C12orf75: variants seen among roughly 807,000 people sequenced by gnomAD.
C12orf75 encodes overexpressed in colon carcinoma 1 protein.
C12orf75 carries 4 observed loss-of-function variants against 11.4 expected under a neutral mutation model. The observed-to-expected ratio is 0.35, with a 90% CI of 0.17 to 0.80. The LOEUF is 0.80. Among genes scored for constraint, C12orf75 ranks in the 30% least tolerant of loss-of-function variants. C12orf75 has a pLI of 0.52. For missense variants in C12orf75, 89 were observed against 80.4 expected (o/e 1.11, Z -0.41); for synonymous variants, 30 against 30.0 (o/e 1.00, Z 0.00).
intron 2 of C12orf75, among the ~76,000 whole-genome samples, chr12:105,351,057 A>G (rs1892707390): frequency 6.6e-6 from 1 of 152,230 alleles, no homozygotes. Context: ...AAAAAGTTAA[A>G]GAACATTATA....
intron 2 of C12orf75, among the ~76,000 whole-genome samples, chr12:105,363,978 A>G (rs1211846398): frequency 1.3e-5 from 2 of 152,236 alleles, no homozygotes; most frequent in Non-Finnish European, 2.9e-5. Flanking sequence ...AAGTGAAAAT[A>G]TATTTTAAAA....
chr12:105,350,048 G>C (rs903455337), intron 2 of C12orf75, among the ~76,000 whole-genome samples: 1 of 152,156 alleles, frequency 6.6e-6, no homozygotes. Flanking sequence ...GCTCCTGTTT[G>C]CTGTGTTGGA....
intron 2 of C12orf75, among the ~76,000 whole-genome samples, chr12:105,350,388 C>CT (rs908690909): frequency 2.6e-5 from 4 of 152,196 alleles, no homozygotes; most frequent in African/African-American, 7.2e-5. Flanking sequence ...CTGTGCAGAG[C>CT]TTCTTCAGGC....
chr12:105,354,068 C>T (rs938268224), intron 2 of C12orf75, among the ~76,000 whole-genome samples: 1 of 152,144 alleles, frequency 6.6e-6, no homozygotes, highest in Non-Finnish European at 1.5e-5. Flanking sequence ...CCTCTCTGCT[C>T]CTCATAGATA....
intron 2 of C12orf75, among the ~76,000 whole-genome samples, chr12:105,360,254 C>T (rs1224630372): frequency 6.6e-6 from 1 of 152,218 alleles, no homozygotes; most frequent in Non-Finnish European, 1.5e-5. Context: ...ACAAATTTTG[C>T]AGTCCATCAG....
In C12orf75 at chr12:105,370,137, G is replaced by A. The variant is rs567315096; in HGVS notation, c.*34-497G>A. 3.0e-4 allele frequency among the ~76,000 whole-genome samples: 45 copies of A among 152,246 alleles called. No homozygotes were observed. In the South Asian group the frequency reaches 9.1e-3, roughly 31 times the overall value. On this transcript the variant is annotated intron_variant, in intron 5 of 5. Transcript: ENST00000443585. ...GTAGTTTCTTCTGCAGATGACCCTA[G>A]GCTGAAAGTTATGCCCACTTAGATG...
At chr12:105,337,299 A>G (rs1431184795) in intron 1 of C12orf75, among the ~76,000 whole-genome samples, 1 of 152,148 alleles carries the variant, frequency 6.6e-6, no homozygotes, top group Non-Finnish European at 1.5e-5. Context: ...ACAGAGCAAG[A>G]TCCTGTCTTA....
At chr12:105,348,418 C>CAA (rs35593271) in intron 1 of C12orf75, among the ~76,000 whole-genome samples, 184 bp from the exon 2 acceptor site, 16 of 116,110 alleles carry the variant, frequency 1.4e-4, no homozygotes, top group African/African-American at 4.1e-4. Flanking sequence ...GTATCTGAAA[C>CAA]AAAAAAAAAA....
At chr12:105,355,544 G>A (rs1206127231) in intron 2 of C12orf75, among the ~76,000 whole-genome samples, 1 of 152,162 alleles carries the variant, frequency 6.6e-6, no homozygotes, top group Non-Finnish European at 1.5e-5. Flanking sequence ...AAAATCTTTG[G>A]TGCTCTGGGG....
intron 2 of C12orf75, among the ~76,000 whole-genome samples, chr12:105,361,963 C>G (rs914664470): frequency 1.3e-5 from 2 of 152,186 alleles, no homozygotes; most frequent in Admixed American, 6.5e-5. Flanking sequence ...ACTTATGTGG[C>G]AATTTGACAA....
chr12:105,343,079 C>T (rs1892593466), intron 1 of C12orf75, among the ~76,000 whole-genome samples: 1 of 152,190 alleles, frequency 6.6e-6, no homozygotes, highest in Non-Finnish European at 1.5e-5. Flanking sequence ...GCATATAATA[C>T]TTTCCTGAGA....
chr12:105,348,603 C>A lies in C12orf75; in HGVS notation c.48C>A (p.Gly16=). ...STATSAGAGQ[G]PAGAAKDVTE... ...AACCTATCTTCTTTTTTTCTCTAGG[C>A]CCTGCAGGAGCAGCCAAAGATGTGT... The change falls in exon 2 of 6, where the codon GGC becomes GGA. Residue 16 remains glycine (G), a splice_region_variant and synonymous_variant. Transcript: ENST00000443585. The A allele has an allele frequency of 6.5e-7, 1 of 1,535,050 alleles. No individual in the cohort carries two copies. Among genetic ancestry groups the A allele is most frequent in the Non-Finnish European group, 8.8e-7 (1 of 1,137,666 alleles).
At chr12:105,360,114 A>C (rs1328459532) in intron 2 of C12orf75, among the ~76,000 whole-genome samples, 2 of 152,242 alleles carry the variant, frequency 1.3e-5, no homozygotes, top group Non-Finnish European at 2.9e-5. Context: ...CTGACTGCAG[A>C]AACTAGGGCC....
At chr12:105,336,389 G>C (rs767255156) in intron 1 of C12orf75, among the ~76,000 whole-genome samples, 3 of 152,214 alleles carry the variant, frequency 2.0e-5, no homozygotes, top group Non-Finnish European at 2.9e-5. Context: ...TAGGTTCCTT[G>C]ACCATAAAAT....
Position 105,338,804 on chromosome 12 carries a change from T to C in C12orf75, c.46+7867T>C, listed in dbSNP as rs537944871. On this transcript the variant is annotated intron_variant, in intron 1 of 5. Coordinates refer to ENST00000443585, the MANE Select transcript of C12orf75 (RefSeq NM_001145199.2). ...GAAACTAATACAGTTAGAGCCCACT[T>C]GTTACCACCAGCCATTCATGAAGGA... Among the ~76,000 whole-genome samples the C allele has an allele frequency of 7.9e-5, 12 of 152,258 alleles. No individual in the cohort carries two copies. In the South Asian group the frequency reaches 2.5e-3, roughly 32 times the overall value.
chr12:105,363,434 GA>G (rs1892901129), intron 2 of C12orf75, among the ~76,000 whole-genome samples: 1 of 152,198 alleles, frequency 6.6e-6, no homozygotes, highest in Non-Finnish European at 1.5e-5. Flanking sequence ...AGGTTTAAAA[GA>G]GTGGATATCT....
rs1892409305 is a variant in C12orf75, at chr12:105,330,752, G to A, written c.-140G>A. 1 of 851,724 alleles carries A rather than the reference G, an allele frequency of 1.2e-6. No homozygotes were observed. Among genetic ancestry groups the A allele is most frequent in the Non-Finnish European group, 1.5e-6 (1 of 657,904 alleles). The allele number at this position is 851,724 out of a possible 1,614,324, so 52.8% of individuals were successfully genotyped here. On this transcript the variant is annotated 5_prime_UTR_variant, in exon 1 of 6. Coordinates refer to ENST00000443585, the MANE Select transcript of C12orf75 (RefSeq NM_001145199.2). ...GGGCCGCGTCTCCCGGCGGTGGGAGGGGGCGGCCCCCACTCGGTTCCTGGC... is the reference window on the plus strand; with the variant it reads ...GGGCCGCGTCTCCCGGCGGTGGGAGAGGGCGGCCCCCACTCGGTTCCTGGC...
At chr12:105,352,134 C>T (rs761123048) in intron 2 of C12orf75, among the ~76,000 whole-genome samples, 34 of 152,160 alleles carry the variant, frequency 2.2e-4, no homozygotes, top group Non-Finnish European at 4.3e-4. Context: ...GATAATGCTG[C>T]AGTCAAACTT....
At chr12:105,363,152 G>A (rs954075869) in intron 2 of C12orf75, among the ~76,000 whole-genome samples, 1 of 152,242 alleles carries the variant, frequency 6.6e-6, no homozygotes. Flanking sequence ...ATGCTTGTTA[G>A]TCTTGTATGT....
Sources: allele counts gnomAD v4.1 joint callset (sites outside exome capture counted in the v4.1 genomes callset), GRCh38; gene constraint gnomAD v4.1.1; transcripts MANE v1.5; gene names NCBI Gene and HGNC (gene_info 2026-07-23, HGNC 2026-07-21).